The following MYT1L variants were observed in gnomAD, a reference collection of about 807,000 sequenced individuals.
The protein encoded by MYT1L is myelin transcription factor 1 like.
MYT1L carries 12 observed loss-of-function variants against 126.7 expected under a neutral mutation model. The observed-to-expected ratio is 0.09, with a 90% CI of 0.06 to 0.15. MYT1L has a LOEUF of 0.15. MYT1L is among the 10% of genes least tolerant of loss of function. The pLI is 1.00. For synonymous variants in MYT1L, 541 were observed against 604.2 expected (o/e 0.90, Z 1.53); for missense variants, 979 against 1,585.2 (o/e 0.62, Z 6.49).
chr2:1,908,010 C>T (rs1033480320), intron 13 of MYT1L, among the ~76,000 whole-genome samples: 6 of 152,224 alleles, frequency 3.9e-5, no homozygotes, highest in East Asian at 1.9e-4. Context: ...CCCGAGACCT[C>T]GCACTGCAGT....
chr2:1,792,871 C>CAAAAAAAAAAA (rs55682787), intron 23 of MYT1L, among the ~76,000 whole-genome samples: 3,250 of 74,612 alleles, frequency 0.044, 245 homozygotes, highest in Non-Finnish European at 0.049. Context: ...TTCCGTCTCA[C>CAAAAAAAAAAA]AAAAAAAAAA....
chr2:2,095,511 T>G (rs948614181), intron 3 of MYT1L, among the ~76,000 whole-genome samples: 2 of 152,112 alleles, frequency 1.3e-5, no homozygotes, highest in East Asian at 3.9e-4. Context: ...AGAAGCAGTG[T>G]CAGCACCTCA....
At chr2:1,967,551 G>C (rs2059463531) in intron 8 of MYT1L, among the ~76,000 whole-genome samples, 1 of 152,210 alleles carries the variant, frequency 6.6e-6, no homozygotes, top group Non-Finnish European at 1.5e-5. Flanking sequence ...AATTTAAGAA[G>C]CTTCTCTGCC....
intron 9 of MYT1L, among the ~76,000 whole-genome samples, chr2:1,939,187 G>A (rs7565890): frequency 0.11 from 17,251 of 152,200 alleles, 1,121 homozygotes; most frequent in East Asian, 0.32. Flanking sequence ...GTCACACTCC[G>A]CTCTGTGCTC....
intron 4 of MYT1L, among the ~76,000 whole-genome samples, chr2:2,001,254 CTTTTT>C (rs1187430723): frequency 1.0e-4 from 7 of 67,664 alleles, no homozygotes; most frequent in Non-Finnish European, 2.0e-4. Flanking sequence ...TTTTTTTTTG[CTTTTT>C]TTTTTTATCT....
intron 2 of MYT1L, among the ~76,000 whole-genome samples, chr2:2,214,146 GA>G (rs1262079514): frequency 1.3e-5 from 2 of 151,182 alleles, no homozygotes; most frequent in Non-Finnish European, 2.9e-5. Flanking sequence ...GAAACAGAGA[GA>G]AAAAAAGAAT....
rs1015432885 is a variant in MYT1L at position 1,801,418 on chromosome 2, C to A, written c.3276+278G>T. 6.2e-6 allele frequency: 2 copies of A among 322,160 alleles called. No individual in the cohort carries two copies. Among genetic ancestry groups the A allele is most frequent in the Non-Finnish European group, 1.1e-5 (2 of 178,758 alleles). The allele number at this position is 322,160 out of a possible 1,614,324, so 20.0% of individuals were successfully genotyped here. ...GGAAAACCTTCATTGTTTGCAGGAACAGGCGATCCTCTGAAAATGCCTATT... is the reference window on the plus strand; with the variant it reads ...GGAAAACCTTCATTGTTTGCAGGAAAAGGCGATCCTCTGAAAATGCCTATT... On this transcript the variant is annotated intron_variant, in intron 23 of 24. Transcript: ENST00000647738. This position sits in a 1 kb window ranked among gnomAD's most constrained non-coding sequence, Gnocchi z 4.2.
intron 3 of MYT1L, among the ~76,000 whole-genome samples, chr2:2,147,167 A>G (rs1412433786): frequency 6.6e-6 from 1 of 152,222 alleles, no homozygotes; most frequent in Non-Finnish European, 1.5e-5. Flanking sequence ...CTAGCACTCC[A>G]TGACCAAATC....
At chr2:2,223,327 AGAGT>A (rs1559381826) in intron 2 of MYT1L, among the ~76,000 whole-genome samples, 1 of 152,256 alleles carries the variant, frequency 6.6e-6, no homozygotes, top group Non-Finnish European at 1.5e-5. Flanking sequence ...CACTAAAGAG[AGAGT>A]ATCTTTGCTA....
chr2:2,177,644 A>G (rs2148597028), intron 2 of MYT1L, among the ~76,000 whole-genome samples: 2 of 152,332 alleles, frequency 1.3e-5, no homozygotes, highest in Middle Eastern at 3.4e-3. Context: ...TGAAGCAGGC[A>G]CATGGTACAT....
At position 1,991,386 on chromosome 2, in the gene MYT1L, C is replaced by G. The variant is rs111848132; in HGVS notation, c.-1+5805G>C. 3.1e-3 allele frequency among the ~76,000 whole-genome samples: 476 copies of G among 152,220 alleles called. 6 individuals are homozygous for G. The highest frequency in any genetic ancestry group is 0.027 in the South Asian group (128 of 4,806). Reference sequence around the variant, plus strand: ...ATCATGGCTCGCCGCAGCCTTGGACCTCCTAGACCCAAGTGGCCTTTCCCC... The same window carrying G: ...ATCATGGCTCGCCGCAGCCTTGGACGTCCTAGACCCAAGTGGCCTTTCCCC... On this transcript the variant is annotated intron_variant, in intron 5 of 24. Transcript: ENST00000647738.
chr2:2,018,598 G>A (rs184422839), intron 4 of MYT1L, among the ~76,000 whole-genome samples: 21 of 152,310 alleles, frequency 1.4e-4, no homozygotes, highest in African/African-American at 3.8e-4. Flanking sequence ...CCTGCTCTCC[G>A]CCGTTTATGG....
At chr2:1,838,045 G>A (rs1238556728) in intron 21 of MYT1L, among the ~76,000 whole-genome samples, 1 of 152,022 alleles carries the variant, frequency 6.6e-6, no homozygotes, top group Non-Finnish European at 1.5e-5. Context: ...CCGAGTAGCT[G>A]GGATTACAGG....
At position 2,312,281 on chromosome 2, in the gene MYT1L, A is replaced by T. The variant is rs1477694417; in HGVS notation, c.-521+18686T>A. On this transcript the variant is annotated intron_variant, in intron 1 of 24. Transcript: ENST00000647738. ...TCCTTTCCTTAGTGACTGAGAAACA[A>T]TTTATTCTCTATCTCTCCCTTTCTC... Among the ~76,000 whole-genome samples the T allele has an allele frequency of 3.3e-5, 5 of 152,212 alleles. No homozygotes were observed. In the East Asian group the frequency reaches 9.7e-4, roughly 29 times the overall value.
intron 2 of MYT1L, among the ~76,000 whole-genome samples, chr2:2,205,581 T>C (rs1490572259): frequency 6.6e-6 from 1 of 152,192 alleles, no homozygotes; most frequent in Non-Finnish European, 1.5e-5. Flanking sequence ...TTCTTTAGGC[T>C]TTATCTATTT....
chr2:2,153,468 A>G (rs896456692), intron 3 of MYT1L, among the ~76,000 whole-genome samples: 14 of 152,260 alleles, frequency 9.2e-5, no homozygotes, highest in African/African-American at 3.4e-4. Context: ...GGTTGTTTAG[A>G]CGTGAGACTG....
At chr2:2,131,222 A>C (rs1410626422) in intron 3 of MYT1L, among the ~76,000 whole-genome samples, 1 of 152,192 alleles carries the variant, frequency 6.6e-6, no homozygotes, top group Non-Finnish European at 1.5e-5. Context: ...AGGAAAAGAC[A>C]GGAAGGGGTC....
At chr2:1,996,145 G>T (rs1323607203) in intron 5 of MYT1L, among the ~76,000 whole-genome samples, 1 of 152,234 alleles carries the variant, frequency 6.6e-6, no homozygotes, top group Non-Finnish European at 1.5e-5. Context: ...GGACAATGTG[G>T]TCTGGAAGAG....
At chr2:2,275,602 G>T (rs1250959922) in intron 2 of MYT1L, among the ~76,000 whole-genome samples, 1 of 152,056 alleles carries the variant, frequency 6.6e-6, no homozygotes, top group East Asian at 1.9e-4. Flanking sequence ...GCCCTAAGTT[G>T]CCTCTTTAAA....
Sources: gnomAD v4.1 joint callset for allele counts (sites outside exome capture counted in the v4.1 genomes callset) on GRCh38, gnomAD v4.1.1 for gene constraint, Gnocchi (gnomAD v3.1) non-coding constraint, MANE v1.5 for transcripts, NCBI Gene and HGNC (gene_info 2026-07-23, HGNC 2026-07-21) for gene names.